The following MCU variants were observed in gnomAD, a reference collection of about 807,000 sequenced individuals.
The protein encoded by MCU is calcium uniporter protein, mitochondrial.
MCU carries 12 observed loss-of-function variants against 45.2 expected under a neutral mutation model. The observed-to-expected ratio is 0.27, with a 90% CI of 0.17 to 0.43. MCU has a LOEUF of 0.43. MCU is among the 20% of genes least tolerant of loss of function. The pLI is 1.00. For synonymous variants in MCU, 160 were observed against 165.1 expected (o/e 0.97, Z 0.24); for missense variants, 324 against 436.7 (o/e 0.74, Z 2.30).
intron 2 of MCU, among the ~76,000 whole-genome samples, chr10:72,837,915 G>A (rs1245219522): frequency 1.3e-5 from 2 of 148,568 alleles, no homozygotes; most frequent in Non-Finnish European, 1.5e-5. Flanking sequence ...GGAGTGCAGT[G>A]GCGCAATCTC....
chr10:72,802,241 C>T (rs2132783429), intron 1 of MCU, among the ~76,000 whole-genome samples: 1 of 152,246 alleles, frequency 6.6e-6, no homozygotes, highest in East Asian at 1.9e-4. Context: ...TTTAAACGAT[C>T]ATCTATCATT....
At chr10:72,820,188 T>G (rs1844689566) in intron 1 of MCU, among the ~76,000 whole-genome samples, 1 of 152,174 alleles carries the variant, frequency 6.6e-6, no homozygotes, top group Non-Finnish European at 1.5e-5. Context: ...TGCCTTGTGT[T>G]TTTGTCATTA....
intron 1 of MCU, among the ~76,000 whole-genome samples, chr10:72,822,395 T>A (rs570924386): frequency 6.6e-6 from 1 of 152,260 alleles, no homozygotes; most frequent in East Asian, 1.9e-4. Flanking sequence ...TAAAAAGTTA[T>A]GAGGGTATTC....
intron 1 of MCU, among the ~76,000 whole-genome samples, chr10:72,820,241 A>C (rs1320790579): frequency 6.6e-6 from 1 of 152,196 alleles, no homozygotes; most frequent in African/African-American, 2.4e-5. Flanking sequence ...GTAAGAAATA[A>C]GGTAGTATGT....
At chr10:72,827,522 T>G (rs1182046303) in intron 1 of MCU, among the ~76,000 whole-genome samples, 1 of 152,228 alleles carries the variant, frequency 6.6e-6, no homozygotes, top group Non-Finnish European at 1.5e-5. Flanking sequence ...GATACTTTTT[T>G]AAAACCTTAT....
chr10:72,718,688 CA>C (rs1426779765), intron 1 of MCU, among the ~76,000 whole-genome samples: 1 of 152,090 alleles, frequency 6.6e-6, no homozygotes, highest in African/African-American at 2.4e-5. Context: ...AAGACCTGGA[CA>C]AAAATGTTCA....
At chr10:72,709,079 T>A (rs147740122) in intron 1 of MCU, among the ~76,000 whole-genome samples, 39 of 152,246 alleles carry the variant, frequency 2.6e-4, no homozygotes, top group African/African-American at 9.4e-4. Flanking sequence ...GTATGGGCCA[T>A]GCTGGACACT....
intron 1 of MCU, among the ~76,000 whole-genome samples, chr10:72,811,080 T>G (rs1221999282): frequency 2.6e-5 from 4 of 152,200 alleles, no homozygotes; most frequent in Non-Finnish European, 4.4e-5. Flanking sequence ...CAGTGTATAC[T>G]TTATTAGTTT....
intron 2 of MCU, among the ~76,000 whole-genome samples, chr10:72,858,533 G>A (rs546535287): frequency 1.3e-5 from 2 of 152,250 alleles, no homozygotes; most frequent in South Asian, 2.1e-4. Flanking sequence ...AATGCCTAAT[G>A]GTGGCTAGCA....
At chr10:72,858,660 G>C (rs1173307357) in intron 2 of MCU, among the ~76,000 whole-genome samples, 1 of 152,144 alleles carries the variant, frequency 6.6e-6, no homozygotes, top group Admixed American at 6.5e-5. Flanking sequence ...AGTCAGTTGA[G>C]GGGCTTAGGA....
intron 1 of MCU, among the ~76,000 whole-genome samples, chr10:72,832,156 A>G (rs1844888300): frequency 6.6e-6 from 1 of 152,088 alleles, no homozygotes; most frequent in African/African-American, 2.4e-5. Context: ...AGCCTCTTCT[A>G]ACTCCTGGGC....
intron 6 of MCU, among the ~76,000 whole-genome samples, chr10:72,872,323 T>C (rs907578306): frequency 6.6e-6 from 1 of 152,110 alleles, no homozygotes; most frequent in Non-Finnish European, 1.5e-5. Flanking sequence ...AAATTGTTGT[T>C]AACTATTGAA....
chr10:72,798,739 CATT>C (rs1844291466), intron 1 of MCU, among the ~76,000 whole-genome samples: 1 of 152,078 alleles, frequency 6.6e-6, no homozygotes, highest in African/African-American at 2.4e-5. Context: ...AAAGCCCTCT[CATT>C]AGCAGTTTGA....
intron 1 of MCU, among the ~76,000 whole-genome samples, chr10:72,764,100 C>T (rs2132726480): frequency 1.3e-5 from 2 of 152,250 alleles, no homozygotes; most frequent in Middle Eastern, 3.4e-3. Context: ...TTTAGCATCC[C>T]CTTCACATTT....
intron 2 of MCU, among the ~76,000 whole-genome samples, chr10:72,856,420 G>A (rs1845291653): frequency 2.0e-5 from 3 of 152,098 alleles, no homozygotes; most frequent in Non-Finnish European, 2.9e-5. Flanking sequence ...AGATTTTAGT[G>A]TGAAGATTTT....
intron 1 of MCU, among the ~76,000 whole-genome samples, chr10:72,713,060 G>A (rs911640201): frequency 6.6e-6 from 1 of 152,178 alleles, no homozygotes; most frequent in African/African-American, 2.4e-5. Context: ...GGCCAGATAT[G>A]CTATTAACAG....
At chr10:72,838,349 C>T (rs1844986895) in intron 2 of MCU, among the ~76,000 whole-genome samples, 1 of 152,048 alleles carries the variant, frequency 6.6e-6, no homozygotes, top group Non-Finnish European at 1.5e-5. Flanking sequence ...CATGGTGGCT[C>T]ATGCCTGTAA....
In MCU at chr10:72,851,930, T is replaced by A. The variant is rs549085843; in HGVS notation, c.221-7247T>A. ...GGCAGTTTGGAGGTTAAAGGAAATA[T>A]GGGGTTGGTTAGATTAGGTGTCTTT... On this transcript the variant is annotated intron_variant, in intron 2 of 7. Coordinates refer to ENST00000373053, the MANE Select transcript of MCU (RefSeq NM_138357.3). Among the ~76,000 whole-genome samples, 6 of 152,298 alleles carry A rather than the reference T, an allele frequency of 3.9e-5. No homozygotes were observed. In the South Asian group the frequency reaches 1.2e-3, roughly 32 times the overall value.
At chr10:72,855,050 T>G (rs2132862525) in intron 2 of MCU, among the ~76,000 whole-genome samples, 1 of 152,256 alleles carries the variant, frequency 6.6e-6, no homozygotes, top group Non-Finnish European at 1.5e-5. Context: ...GAGACCATCC[T>G]GGCCAACATA....
Sources: gnomAD v4.1 joint callset for allele counts (sites outside exome capture counted in the v4.1 genomes callset) on GRCh38, gnomAD v4.1.1 for gene constraint, MANE v1.5 for transcripts, NCBI Gene and HGNC (gene_info 2026-07-23, HGNC 2026-07-21) for gene names.